Variants in AGRN observed in about 807,000 individuals in gnomAD.
AGRN encodes the protein agrin proteoglycan.
In AGRN, 106 loss-of-function variants were observed where a neutral mutation model predicts 211.0. That is an observed-to-expected ratio of 0.50 (90% CI 0.43 to 0.59). The LOEUF is 0.59. Ranked by LOEUF, AGRN falls within the 20% of genes least tolerant of loss-of-function variation. The pLI, the probability that AGRN is intolerant of heterozygous loss-of-function variation, is 0.00. For missense variants in AGRN, 3,040 were observed against 2,982.6 expected, an observed-to-expected ratio of 1.02 and a Z score of -0.45; for synonymous variants, 1,525 against 1,332.5, an observed-to-expected ratio of 1.14 and a Z score of -3.15.
chr1:1,040,462 C>T (rs1278906565), intron 3 of AGRN, among the ~76,000 whole-genome samples: 1 of 152,096 alleles, frequency 6.6e-6, no homozygotes, highest in Non-Finnish European at 1.5e-5. Flanking sequence ...CCGGGGCTGG[C>T]GGGAATCCTC....
intron 2 of AGRN, among the ~76,000 whole-genome samples, chr1:1,025,871 T>G (rs1292123739): frequency 6.6e-6 from 1 of 152,160 alleles, no homozygotes; most frequent in Non-Finnish European, 1.5e-5. Context: ...GGCCCACCTC[T>G]GTCCATCCCA....
At chr1:1,047,522 G>T (rs770680481) in intron 20 of AGRN, 51 bp from the exon 21 acceptor site, 1 of 1,612,810 alleles carries the variant, frequency 6.2e-7, no homozygotes, top group Admixed American at 1.7e-5. Flanking sequence ...GCAGCACCAG[G>T]GCAGCCCGGC....
Position 1,047,819 on chromosome 1 carries a change from G to C in AGRN, c.3675G>C (p.Arg1225=), listed in dbSNP as rs1188344411. ...CCGACGTGGCCCGGGCCCTGCTCCG[G>C]CAGATCCAGGTGTCCAGGCGCCGGT... The part of the protein sequence containing the change: ...RAPDVARALL[R]QIQVSRRRSL... Residue 1225 remains arginine, a synonymous_variant, in exon 22 of 36, where the codon CGG becomes CGC. Transcript: ENST00000379370. The C allele has an allele frequency of 5.6e-6, 9 of 1,603,266 alleles. No homozygotes were observed. The highest frequency in any genetic ancestry group is 7.7e-6 in the Non-Finnish European group (9 of 1,175,574).
rs1044740583 is a variant in AGRN, at chr1:1,051,729, G to A, written c.5565G>A (p.Gly1855=). The change falls in exon 33 of 36, where the codon GGG becomes GGA. Residue 1855 remains glycine, a splice_region_variant and synonymous_variant. Coordinates refer to ENST00000379370, the MANE Select transcript of AGRN (RefSeq NM_198576.4). The part of the protein sequence containing the change: ...GGFSGPHCEK[G]LVEKSAGDVD... ...CACCCTCACCTGCCTATCTCACAGG[G>A]CTGGTGGAGAAGTCAGCGGGGGACG... 6.2e-7 allele frequency: 1 copy of A among 1,613,798 alleles called. No individual in the cohort carries two copies. The highest frequency in any genetic ancestry group is 1.3e-5 in the African/African-American group (1 of 75,070).
chr1:1,055,003 C>T lies in AGRN; in HGVS notation c.*22C>T. ...ATGAGCTGGCACCAGAGCCCCGCGC[C>T]CGCTGTAATTATTTTCTATTTTTGT... On this transcript the variant is annotated 3_prime_UTR_variant, in exon 36 of 36. Transcript: ENST00000379370. The T allele has an allele frequency of 6.5e-7, 1 of 1,546,320 alleles. No individual in the cohort carries two copies. The highest frequency in any genetic ancestry group is 1.2e-5 in the South Asian group (1 of 84,026).
chr1:1,029,365 A>ATCTATGCAGGCAGGGGGGGGGATCAGTG (rs1644595254), intron 2 of AGRN, among the ~76,000 whole-genome samples: 1 of 57,810 alleles, frequency 1.7e-5, no homozygotes. Context: ...GATGCCCAAT[A>ATCTATGCAGGCAGGGGGGGGGATCAGTG]TCTATGCAGG....
At position 1,023,497 on chromosome 1, in the gene AGRN, G is replaced by A. The variant is rs564761551; in HGVS notation, c.463+1035G>A. 2.0e-5 allele frequency among the ~76,000 whole-genome samples: 3 copies of A among 152,258 alleles called. No homozygotes were observed. The East Asian group carries it at 5.8e-4, about 30-fold the overall frequency. On this transcript the variant is annotated intron_variant, in intron 2 of 35. Coordinates refer to ENST00000379370, the MANE Select transcript of AGRN (RefSeq NM_198576.4). Reference sequence around the variant, plus strand: ...CCTGGGTCCCCCACTGGGAGGACATGATAACCTTGGTCCTCTTCTGGGCAC... The same window carrying A: ...CCTGGGTCCCCCACTGGGAGGACATAATAACCTTGGTCCTCTTCTGGGCAC...
chr1:1,040,839 G>C lies in AGRN; in HGVS notation c.686G>C (p.Ser229Thr). ...NECELQRAQC[S>T]QQRRIRLLSR... Reference sequence around the variant, plus strand: ...TGCGAGCTGCAGCGGGCGCAGTGCAGCCAGCAGCGCCGCATCCGCCTGCTC... The same window carrying C: ...TGCGAGCTGCAGCGGGCGCAGTGCACCCAGCAGCGCCGCATCCGCCTGCTC... The change falls in exon 4 of 36, where the codon AGC (serine) becomes ACC (threonine). Residue 229 changes from serine (S) to threonine (T), a missense_variant. Ser to Thr is a moderately conservative substitution (Grantham distance 58). Transcript: ENST00000379370. 1.3e-6 allele frequency: 2 copies of C among 1,533,324 alleles called. No individual in the cohort carries two copies. The highest frequency in any genetic ancestry group is 1.7e-6 in the Non-Finnish European group (2 of 1,146,102). 95.0% of individuals were successfully genotyped at this position (1,533,324 alleles called of 1,614,324 possible). A position where few individuals can be genotyped will look rare whatever the true frequency, so the allele number is the denominator to read the frequency against.
At chr1:1,020,854 G>GGT (rs1644385065) in intron 1 of AGRN, among the ~76,000 whole-genome samples, 1 of 150,728 alleles carries the variant, frequency 6.6e-6, no homozygotes, top group African/African-American at 2.4e-5. Flanking sequence ...GTGCGGGGGG[G>GGT]GGGCGTGCAG....
At position 1,040,816 on chromosome 1, in the gene AGRN, C is replaced by T. The variant is rs955700514; in HGVS notation, c.663C>T (p.Cys221=). Residue 221 remains cysteine (C), a synonymous_variant, in exon 4 of 36, where the codon TGC becomes TGT. Coordinates refer to ENST00000379370, the MANE Select transcript of AGRN (RefSeq NM_198576.4). ...ACGCCTCCACCTACAGCAACGAATG[C>T]GAGCTGCAGCGGGCGCAGTGCAGCC... The part of the protein sequence containing the change: ...GSDASTYSNE[C]ELQRAQCSQQ... 4.6e-5 allele frequency: 71 copies of T among 1,537,302 alleles called. No individual in the cohort carries two copies. The highest frequency in any genetic ancestry group is 1.1e-4 in the South Asian group (9 of 84,110).
intron 35 of AGRN, 132 bp downstream of exon 35, chr1:1,054,683 C>T: frequency 1.4e-6 from 2 of 1,479,752 alleles, no homozygotes; most frequent in Non-Finnish European, 1.8e-6. Flanking sequence ...TCTTCTCCCG[C>T]TGTAGCCCCT....
rs1219863853 is a variant in AGRN at position 1,041,337 on chromosome 1, C to T, written c.892C>T (p.Leu298Phe). The change falls in exon 5 of 36, where the codon CTC becomes TTC. Residue 298 changes from leucine to phenylalanine, a missense_variant. By Grantham distance (22) the Leu-to-Phe change is conservative. This residue lies in a region of AGRN where 1,498 missense variants were observed against 1,457.8 expected (regional missense o/e 1.03). Coordinates refer to ENST00000379370, the MANE Select transcript of AGRN (RefSeq NM_198576.4). ...CGCCGACTACCCCGGCGAGTGCCAGCTCCTGCGCCGCGCCTGCGCCCGCCA... is the reference window on the plus strand; with the variant it reads ...CGCCGACTACCCCGGCGAGTGCCAGTTCCTGCGCCGCGCCTGCGCCCGCCA... ...DGADYPGECQLLRRACARQEN... is the reference protein window; with the variant it reads ...DGADYPGECQFLRRACARQEN... 3 of 1,530,050 alleles carry T rather than the reference C, an allele frequency of 2.0e-6. No homozygotes were observed. Among genetic ancestry groups the T allele is most frequent in the African/African-American group, 1.4e-5 (1 of 72,502 alleles). The allele number at this position is 1,530,050 out of a possible 1,614,324, so 94.8% of individuals were successfully genotyped here.
rs1325337475 is a variant in AGRN, at chr1:1,031,866, C to G, written c.464-3411C>G. ...ACCTGGTAGCACGGCCTGGGTTTGA[C>G]CCTGGCACTGCCCCTGGGACTCAGA... On this transcript the variant is annotated intron_variant, in intron 2 of 35. Transcript: ENST00000379370. This position sits in a 1 kb window ranked among gnomAD's most constrained non-coding sequence, Gnocchi z 4.8. 6.6e-6 allele frequency among the ~76,000 whole-genome samples: 1 copy of G among 152,218 alleles called. No individual in the cohort carries two copies. The highest frequency in any genetic ancestry group is 1.5e-5 in the Non-Finnish European group (1 of 68,028).
chr1:1,052,794 A>G (rs1410130721), intron 33 of AGRN: 1 of 138,214 alleles, frequency 7.2e-6, no homozygotes, highest in African/African-American at 3.0e-5. Context: ...GGGTCCATGT[A>G]TGTGTGTGTA....
chr1:1,037,533 C>T (rs748202346), intron 3 of AGRN, among the ~76,000 whole-genome samples: 12 of 152,194 alleles, frequency 7.9e-5, no homozygotes, highest in Non-Finnish European at 1.5e-4. Flanking sequence ...AAAGCACTGC[C>T]GCCTCCAGCG....
At chr1:1,027,021 GA>G (rs1644535223) in intron 2 of AGRN, among the ~76,000 whole-genome samples, 1 of 152,116 alleles carries the variant, frequency 6.6e-6, no homozygotes, top group South Asian at 2.1e-4. Flanking sequence ...AAGCCCCCCC[GA>G]AGGGGCCTCT....
chr1:1,043,615 G>A lies in AGRN; in HGVS notation c.1681G>A (p.Ala561Thr), dbSNP rs1334880952. 1 of 1,604,580 alleles carries A rather than the reference G, an allele frequency of 6.2e-7. No individual in the cohort carries two copies. The highest frequency in any genetic ancestry group is 2.2e-5 in the East Asian group (1 of 44,872). ...CTGCGTGTGCCCCTCTGAATGCGTG[G>A]CTTTGGCCCAGCCCGTGTGTGGCTC... is the stretch of plus-strand genomic sequence containing the variant. ...GRCVCPSECV[A>T]LAQPVCGSDG... Residue 561 changes from alanine to threonine, a missense_variant, in exon 9 of 36, where the codon GCT (alanine) becomes ACT (threonine). Transcript: ENST00000379370.
chr1:1,034,457 GGTCCCAGGA>G, intron 2 of AGRN: 1 of 985,700 alleles, frequency 1.0e-6, no homozygotes, highest in Non-Finnish European at 1.2e-6. Flanking sequence ...CCGCCCCAGG[GGTCCCAGGA>G]TGGGGCGAGC....
intron 33 of AGRN, chr1:1,052,823 G>T (rs1645344730): frequency 6.4e-6 from 1 of 156,060 alleles, no homozygotes; most frequent in Non-Finnish European, 1.4e-5. Context: ...AGACACGCAG[G>T]TGTGTGTCCG....
Sources: gnomAD v4.1 joint callset for allele counts (sites outside exome capture counted in the v4.1 genomes callset) on GRCh38, gnomAD v4.1.1 for gene constraint, gnomAD v4.1.1 regional missense constraint, Gnocchi (gnomAD v3.1) non-coding constraint, MANE v1.5 for transcripts, NCBI Gene and HGNC (gene_info 2026-07-23, HGNC 2026-07-21) for gene names.